WDR72: variants seen among roughly 807,000 people sequenced by gnomAD.
The protein encoded by WDR72 is WD repeat-containing protein 72.
Under a neutral mutation model 124.2 loss-of-function variants are expected in WDR72, and 120 were observed. The ratio of observed to expected loss-of-function variants is 0.97; its 90% CI spans 0.83 to 1.12. The LOEUF (loss-of-function observed/expected upper bound fraction) is 1.12. Among genes scored for constraint, WDR72 ranks in the 50% most tolerant of loss-of-function variants. WDR72 has a pLI of 0.00. For synonymous variants in WDR72, 452 were observed against 441.7 expected, an observed-to-expected ratio of 1.02 and a Z score of -0.29; for missense variants, 1,387 against 1,278.8, an observed-to-expected ratio of 1.08 and a Z score of -1.29.
At chr15:53,627,839 T>C (rs754042422) in intron 14 of WDR72, among the ~76,000 whole-genome samples, 4 of 152,174 alleles carry the variant, frequency 2.6e-5, no homozygotes, top group Non-Finnish European at 4.4e-5. Flanking sequence ...TTTTTCTCAA[T>C]ATAAATAAGC....
In WDR72 at chr15:53,558,620, G is replaced by C. The variant is rs1167477611; in HGVS notation, c.3149-35298C>G. On this transcript the variant is annotated intron_variant, in intron 18 of 19. Transcript: ENST00000360509. The stretch of plus-strand genomic sequence containing the variant: ...CATCCCATTAAAGTATGTTTAATGG[G>C]ATGCTGAATTGATTTCTTAATTTAT... 5.3e-5 allele frequency among the ~76,000 whole-genome samples: 8 copies of C among 152,090 alleles called. No individual in the cohort carries two copies. In the East Asian group the frequency reaches 1.6e-3, roughly 30 times the overall value.
chr15:53,553,676 T>G (rs1392980108), intron 18 of WDR72, among the ~76,000 whole-genome samples: 1 of 152,168 alleles, frequency 6.6e-6, no homozygotes, highest in Non-Finnish European at 1.5e-5. Flanking sequence ...ATGAGAATTT[T>G]CTAAAAATGG....
At position 53,667,311 on chromosome 15, in the gene WDR72, G is replaced by A. The variant is rs147275115; in HGVS notation, c.1766-1543C>T. On this transcript the variant is annotated intron_variant, in intron 13 of 19. Coordinates refer to ENST00000360509, the MANE Select transcript of WDR72 (RefSeq NM_182758.4). The stretch of plus-strand genomic sequence containing the variant: ...CAAGGCTACAGTGAGCCAGGATCAC[G>A]CCACTGCACTCCAGCCTGGGTGACA... Among the ~76,000 whole-genome samples the A allele has an allele frequency of 4.1e-4, 62 of 152,168 alleles. No homozygotes were observed. In the East Asian group the frequency reaches 0.011, roughly 27 times the overall value.
chr15:53,584,910 T>G (rs17549184), intron 18 of WDR72, among the ~76,000 whole-genome samples: 48,433 of 151,748 alleles, frequency 0.32, 8,266 homozygotes, highest in Admixed American at 0.42. Flanking sequence ...AGAAGCAGAT[T>G]TTAGATGAAA....
chr15:53,647,629 C>T (rs569589650), intron 14 of WDR72, among the ~76,000 whole-genome samples: 5 of 152,220 alleles, frequency 3.3e-5, no homozygotes, highest in African/African-American at 7.2e-5. Context: ...TCCCAGCATA[C>T]GGCTTCTGCT....
At chr15:53,575,353 G>A (rs1189447589) in intron 18 of WDR72, among the ~76,000 whole-genome samples, 1 of 151,996 alleles carries the variant, frequency 6.6e-6, no homozygotes, top group African/African-American at 2.4e-5. Context: ...TTATATATTA[G>A]GCTATAATCA....
At chr15:53,716,517 T>C in intron 4 of WDR72, 90 bp downstream of exon 4, 1 of 890,220 alleles carries the variant, frequency 1.1e-6, no homozygotes, top group Non-Finnish European at 1.9e-6. Flanking sequence ...AAGAATATTC[T>C]CCAAAGATGT....
At chr15:53,762,005 G>T (rs576815552), upstream of WDR72, among the ~76,000 whole-genome samples, 3 of 151,994 alleles carry the variant, frequency 2.0e-5, no homozygotes, top group Non-Finnish European at 2.9e-5. Flanking sequence ...AAAATGTGGG[G>T]TGGGGAGACA....
chr15:53,523,212 T>C lies in WDR72; in HGVS notation c.3253+6A>G. 1 of 1,612,386 alleles carries C rather than the reference T, an allele frequency of 6.2e-7. No homozygotes were observed. The highest frequency in any genetic ancestry group is 1.1e-5 in the South Asian group (1 of 91,068). ...TTATACTTGACTATTTTTAAATGGC[T>C]TTCACCTGGACTCTCAGACTCTTCC... On this transcript the variant is annotated splice_donor_region_variant and intron_variant, in intron 19 of 19. Coordinates refer to ENST00000360509, the MANE Select transcript of WDR72 (RefSeq NM_182758.4).
At chr15:53,689,767 G>T (rs891004639) in intron 13 of WDR72, among the ~76,000 whole-genome samples, 1 of 151,960 alleles carries the variant, frequency 6.6e-6, no homozygotes, top group African/African-American at 2.4e-5. Context: ...ACACGCACAC[G>T]TATGTTTATT....
intron 17 of WDR72, among the ~76,000 whole-genome samples, 185 bp from the exon 18 acceptor site, chr15:53,597,459 T>C (rs967714616): frequency 9.9e-5 from 15 of 151,902 alleles, no homozygotes; most frequent in Non-Finnish European, 1.8e-4. Context: ...ACCCAGACTT[T>C]CACACTGTTT....
intron 14 of WDR72, among the ~76,000 whole-genome samples, chr15:53,642,425 T>C (rs751284829): frequency 2.0e-5 from 3 of 152,020 alleles, no homozygotes; most frequent in African/African-American, 4.8e-5. Flanking sequence ...GTAAAAACAA[T>C]ATATACATGC....
intron 18 of WDR72, among the ~76,000 whole-genome samples, chr15:53,575,006 AACAC>A (rs3081214): frequency 0.34 from 50,700 of 147,054 alleles, 8,558 homozygotes; most frequent in Admixed American, 0.41. Context: ...AATCAAACAC[AACAC>A]ACACACACAC....
At chr15:53,529,185 A>G (rs1892312911) in intron 18 of WDR72, among the ~76,000 whole-genome samples, 1 of 123,336 alleles carries the variant, frequency 8.1e-6, no homozygotes, top group South Asian at 2.4e-4. Flanking sequence ...TTTTTTTAAA[A>G]GAATATAAAA....
Position 53,702,166 on chromosome 15 carries a change from TTAC to T in WDR72, c.1534_1536del (p.Val512del), listed in dbSNP as rs2017200363. On this transcript the variant is annotated inframe_deletion, in exon 12 of 20. Transcript: ENST00000360509. ...TTCTCTGGTGACATCAAAAGACTTG[TTAC>T]TGGACCAGCTTCCAAAAAGAATTTA... 1.2e-6 allele frequency: 2 copies of T among 1,613,816 alleles called. No individual in the cohort carries two copies.
intron 18 of WDR72, among the ~76,000 whole-genome samples, chr15:53,572,078 ATTGAG>A (rs1235017409): frequency 6.6e-6 from 1 of 151,850 alleles, no homozygotes; most frequent in Non-Finnish European, 1.5e-5. Context: ...TTCTCTTGTT[ATTGAG>A]TTGTTTGAAT....
At chr15:53,688,751 C>T (rs375553187) in intron 13 of WDR72, among the ~76,000 whole-genome samples, 6 of 151,924 alleles carry the variant, frequency 3.9e-5, no homozygotes, top group East Asian at 1.9e-4. Context: ...GAGCCCGCAT[C>T]GCCAAGTCAA....
chr15:53,756,460 C>T (rs967718117), intron 1 of WDR72, among the ~76,000 whole-genome samples: 5 of 152,132 alleles, frequency 3.3e-5, no homozygotes, highest in African/African-American at 9.7e-5. Context: ...AACTCACTGC[C>T]GACTCACAAG....
chr15:53,631,738 C>A (rs968572814), intron 14 of WDR72, among the ~76,000 whole-genome samples: 1 of 152,056 alleles, frequency 6.6e-6, no homozygotes, highest in Non-Finnish European at 1.5e-5. Context: ...AAGAGGGTGG[C>A]TGTATTGTGG....
Sources: allele counts gnomAD v4.1 joint callset (sites outside exome capture counted in the v4.1 genomes callset), GRCh38; gene constraint gnomAD v4.1.1; transcripts MANE v1.5; gene names NCBI Gene and HGNC (gene_info 2026-07-23, HGNC 2026-07-21).